MYO5C: variants seen among roughly 807,000 people sequenced by gnomAD.
MYO5C encodes the protein myosin VC.
A neutral mutation model predicts 235.7 loss-of-function variants in MYO5C; 194 were observed. The ratio of observed to expected loss-of-function variants is 0.82; its 90% CI spans 0.73 to 0.93. The LOEUF is 0.93. MYO5C is among the 40% of genes least tolerant of loss of function. MYO5C has a pLI of 0.00. For missense variants in MYO5C, 2,038 were observed against 2,127.2 expected (o/e 0.96, Z 0.82); for synonymous variants, 707 against 754.8 (o/e 0.94, Z 1.04).
At chr15:52,218,746 A>C (rs1213098675) in intron 31 of MYO5C, 59 bp from the exon 32 acceptor site, 2 of 1,559,784 alleles carry the variant, frequency 1.3e-6, no homozygotes, top group African/African-American at 2.7e-5. Flanking sequence ...GAAGTCACTC[A>C]CTGTCATAGC....
chr15:52,269,386 ATTT>A (rs71130145), intron 8 of MYO5C, among the ~76,000 whole-genome samples: 8 of 103,988 alleles, frequency 7.7e-5, no homozygotes, highest in African/African-American at 2.5e-4. Context: ...CCACCTTTTA[ATTT>A]TTTTTTTTTT....
chr15:52,228,448 A>C (rs1054950689), intron 25 of MYO5C, among the ~76,000 whole-genome samples: 11 of 152,142 alleles, frequency 7.2e-5, no homozygotes, highest in African/African-American at 2.7e-4. Context: ...GGCAGGTAAC[A>C]ATATTTTTAT....
intron 32 of MYO5C, among the ~76,000 whole-genome samples, chr15:52,217,374 G>A (rs924680350): frequency 5.3e-5 from 8 of 152,214 alleles, no homozygotes; most frequent in African/African-American, 1.9e-4. Context: ...TCATAAATCC[G>A]TCACAATGCA....
rs148258299 is a variant in MYO5C at position 52,235,947 on chromosome 15, T to C, written c.2869-184A>G. Among the ~76,000 whole-genome samples, 171 of 152,280 alleles carry C rather than the reference T, an allele frequency of 1.1e-3. 1 individual carries two copies. The highest frequency in any genetic ancestry group is 3.7e-3 in the African/African-American group (152 of 41,558). On this transcript the variant is annotated intron_variant, in intron 22 of 40. Coordinates refer to ENST00000261839, the MANE Select transcript of MYO5C (RefSeq NM_018728.4). ...TGCCATTTGTTTCACATGCAAGAGC[T>C]CAACGTGACTTCAAAGGTGACACTA...
chr15:52,258,919 C>T (rs1716403560), intron 10 of MYO5C, among the ~76,000 whole-genome samples: 1 of 152,196 alleles, frequency 6.6e-6, no homozygotes, highest in South Asian at 2.1e-4. Flanking sequence ...CAGCTCACTA[C>T]TCCTTGCACA....
intron 1 of MYO5C, among the ~76,000 whole-genome samples, chr15:52,284,565 G>A (rs1278326827): frequency 6.6e-6 from 1 of 152,128 alleles, no homozygotes; most frequent in Non-Finnish European, 1.5e-5. Flanking sequence ...CTCAGACAAT[G>A]CAGACTTAAG....
chr15:52,260,118 C>G (rs191341285), intron 10 of MYO5C, among the ~76,000 whole-genome samples: 8 of 152,224 alleles, frequency 5.3e-5, no homozygotes, highest in Admixed American at 1.3e-4. Context: ...CCCTCCATGC[C>G]AGCTTCCACT....
chr15:52,244,444 G>A lies in MYO5C; in HGVS notation c.2302C>T (p.Arg768Cys), dbSNP rs543424613. 1.4e-5 allele frequency: 23 copies of A among 1,613,982 alleles called. No homozygotes were observed. Among genetic ancestry groups the A allele is most frequent in the South Asian group, 1.2e-4 (11 of 91,084 alleles). ...AATTTTTTCCTCTGGAGCCAGCCACGCATGTGCTTTTGTACCATAACACAA... is the reference window on the plus strand; with the variant it reads ...AATTTTTTCCTCTGGAGCCAGCCACACATGTGCTTTTGTACCATAACACAA... The part of the protein sequence containing the change: ...QSCVMVQKHM[R>C]GWLQRKKFLR... The change falls in exon 19 of 41, where the codon CGT (arginine) becomes TGT (cysteine). Residue 768 changes from arginine (R) to cysteine (C), a missense_variant. By Grantham distance (180) the Arg-to-Cys change is radical (BLOSUM62 -3). Transcript: ENST00000261839.
intron 21 of MYO5C, 38 bp downstream of exon 21, chr15:52,239,695 G>A (rs780486024): frequency 6.4e-7 from 1 of 1,556,352 alleles, no homozygotes; most frequent in South Asian, 1.2e-5. Flanking sequence ...AGCCATGTAA[G>A]AAAAAGTAAA....
chr15:52,194,142 T>C, intron 40 of MYO5C, 88 bp from the exon 41 acceptor site: 2 of 1,255,984 alleles, frequency 1.6e-6, no homozygotes, highest in Middle Eastern at 2.3e-4. Context: ...AACACAGCTA[T>C]CTCTAGTGGA....
intron 35 of MYO5C, among the ~76,000 whole-genome samples, chr15:52,209,501 G>A (rs2035395287): frequency 6.6e-6 from 1 of 152,172 alleles, no homozygotes; most frequent in Non-Finnish European, 1.5e-5. Context: ...TGCTGGAGGT[G>A]GGGAGAGGCA....
chr15:52,233,886 G>A (rs1489277376), intron 23 of MYO5C, among the ~76,000 whole-genome samples: 6 of 152,116 alleles, frequency 3.9e-5, no homozygotes, highest in Non-Finnish European at 8.8e-5. Context: ...GAGTCCTCGG[G>A]GTGCACCGTC....
chr15:52,214,410 TATC>T (rs1274618031), intron 33 of MYO5C, among the ~76,000 whole-genome samples, 190 bp downstream of exon 33: 2 of 152,218 alleles, frequency 1.3e-5, no homozygotes, highest in African/African-American at 4.8e-5. Context: ...ATGTATCTGG[TATC>T]ATCTGAGTGG....
At chr15:52,286,981 A>AAACT (rs986786679) in intron 1 of MYO5C, among the ~76,000 whole-genome samples, 6 of 149,298 alleles carry the variant, frequency 4.0e-5, no homozygotes, top group African/African-American at 1.2e-4. Context: ...AAAAACTAAC[A>AAACT]AACAAACAAA....
intron 9 of MYO5C, among the ~76,000 whole-genome samples, chr15:52,262,596 C>A (rs1433000349): frequency 6.6e-6 from 1 of 152,194 alleles, no homozygotes; most frequent in East Asian, 1.9e-4. Flanking sequence ...TCTGGGAGGT[C>A]TGGACACTGC....
intron 29 of MYO5C, among the ~76,000 whole-genome samples, chr15:52,222,086 G>A (rs1172089603): frequency 2.0e-5 from 3 of 152,202 alleles, no homozygotes; most frequent in Non-Finnish European, 4.4e-5. Flanking sequence ...GCTAATGTAA[G>A]CATTCTGAGC....
At chr15:52,252,128 C>A (rs1184119742) in intron 12 of MYO5C, among the ~76,000 whole-genome samples, 6 of 151,934 alleles carry the variant, frequency 3.9e-5, no homozygotes, top group African/African-American at 1.5e-4. Flanking sequence ...TTTAGAAGAA[C>A]AAAACTTTAA....
chr15:52,225,778 G>A (rs1356854970), intron 25 of MYO5C, among the ~76,000 whole-genome samples: 1 of 152,166 alleles, frequency 6.6e-6, no homozygotes, highest in Admixed American at 6.5e-5. Flanking sequence ...GGCCAGGCAT[G>A]GTGGCTCACA....
intron 8 of MYO5C, among the ~76,000 whole-genome samples, chr15:52,266,198 G>A (rs1566986650): frequency 1.6e-5 from 1 of 61,264 alleles, no homozygotes; most frequent in Non-Finnish European, 3.6e-5. Context: ...CTCAAGACCT[G>A]CGTTAAGTAA....
Sources: allele counts gnomAD v4.1 joint callset (sites outside exome capture counted in the v4.1 genomes callset), GRCh38; gene constraint gnomAD v4.1.1; transcripts MANE v1.5; gene names NCBI Gene and HGNC (gene_info 2026-07-23, HGNC 2026-07-21).